MINDY4B: variants seen among roughly 807,000 people sequenced by gnomAD.
MINDY4B encodes the protein inactive ubiquitin carboxyl-terminal hydrolase MINDY-4B.
Under a neutral mutation model 16.7 loss-of-function variants are expected in MINDY4B, and 25 were observed. The observed-to-expected ratio is 1.49, with a 90% CI of 1.09 to 2.09. The LOEUF is 2.09. Among genes scored for constraint, MINDY4B ranks in the 30% most tolerant of loss-of-function variants. MINDY4B has a pLI of 0.00. For missense variants in MINDY4B, 327 were observed against 168.4 expected (o/e 1.94, Z -5.21); for synonymous variants, 132 against 61.9 (o/e 2.13, Z -5.32).
At chr3:150,902,894 T>G (rs1394749637) in intron 3 of MINDY4B, among the ~76,000 whole-genome samples, 2 of 152,090 alleles carry the variant, frequency 1.3e-5, no homozygotes, top group East Asian at 3.8e-4. Flanking sequence ...CTTACACATC[T>G]ACATTGTCTT....
At chr3:150,877,656 A>C (rs1711498900) in intron 10 of MINDY4B, among the ~76,000 whole-genome samples, 2 of 152,128 alleles carry the variant, frequency 1.3e-5, no homozygotes. Context: ...CCAGGAGGTA[A>C]AGTGGAGGCA....
intron 11 of MINDY4B, 40 bp downstream of exon 11, chr3:150,873,147 C>T (rs1350910757): frequency 1.5e-6 from 1 of 682,590 alleles, no homozygotes; most frequent in East Asian, 2.7e-5. Context: ...TCTCTTTGAG[C>T]ACATTAAAAT....
At chr3:150,891,449 C>T (rs1225811808) in intron 5 of MINDY4B, among the ~76,000 whole-genome samples, 3 of 152,002 alleles carry the variant, frequency 2.0e-5, no homozygotes, top group Admixed American at 2.0e-4. Context: ...ATCCGTCTAG[C>T]TCTGTGGTGA....
At chr3:150,892,406 G>A (rs1361610850) in intron 5 of MINDY4B, among the ~76,000 whole-genome samples, 1 of 152,128 alleles carries the variant, frequency 6.6e-6, no homozygotes, top group Non-Finnish European at 1.5e-5. Flanking sequence ...CCACATCATG[G>A]GCTCTGCTTC....
At position 150,873,381 on chromosome 3, in the gene MINDY4B, G is replaced by A. The variant is rs1484339141; in HGVS notation, c.1060-14C>T. On this transcript the variant is annotated splice_polypyrimidine_tract_variant and intron_variant, in intron 10 of 11. Coordinates refer to ENST00000465419, the MANE Select transcript of MINDY4B (RefSeq NM_001351281.2). Reference sequence around the variant, plus strand: ...CATGCTGCCCACCTGGAAAGGGGAAGGGGAATGCAGATAAATATATAGATT... The same window carrying A: ...CATGCTGCCCACCTGGAAAGGGGAAAGGGAATGCAGATAAATATATAGATT... 7.1e-6 allele frequency: 5 copies of A among 700,974 alleles called. No homozygotes were observed. Among genetic ancestry groups the A allele is most frequent in the Non-Finnish European group, 1.0e-5 (4 of 384,142 alleles). The allele number at this position is 700,974 out of a possible 1,614,324, so 43.4% of individuals were successfully genotyped here.
rs1712159564 is a variant in MINDY4B, at chr3:150,903,298, A to G, written c.260T>C (p.Ile87Thr). 5.0e-6 allele frequency: 2 copies of G among 398,416 alleles called. No individual in the cohort carries two copies. Among genetic ancestry groups the G allele is most frequent in the Admixed American group, 4.4e-5 (1 of 22,708 alleles). The allele number at this position is 398,416 out of a possible 1,614,324, so 24.7% of individuals were successfully genotyped here. The change falls in exon 3 of 12, where the codon ATC becomes ACC. Residue 87 changes from isoleucine to threonine, a missense_variant. Coordinates refer to ENST00000465419, the MANE Select transcript of MINDY4B (RefSeq NM_001351281.2). ...SGLCSIPNPS[I>T]ISSKLGGFPI... Reference sequence around the variant, plus strand: ...AAAGCCACCCAATTTTGAAGAGATGATAGAGGGGTTGGGAATAGAACAAAG... The same window carrying G: ...AAAGCCACCCAATTTTGAAGAGATGGTAGAGGGGTTGGGAATAGAACAAAG...
At chr3:150,904,691 A>T (rs1712198815) in intron 2 of MINDY4B, among the ~76,000 whole-genome samples, 1 of 152,242 alleles carries the variant, frequency 6.6e-6, no homozygotes, top group South Asian at 2.1e-4. Flanking sequence ...ATTTTTCACA[A>T]GCTGAATAAA....
At chr3:150,891,761 C>CA (rs35565267) in intron 5 of MINDY4B, among the ~76,000 whole-genome samples, 1,465 of 68,204 alleles carry the variant, frequency 0.021, 48 homozygotes, top group African/African-American at 0.042. Context: ...GACTCCATCT[C>CA]AAAAAAAAAA....
At chr3:150,890,768 G>T (rs1711779029) in intron 6 of MINDY4B, 170 bp downstream of exon 6, 2 of 548,474 alleles carry the variant, frequency 3.6e-6, no homozygotes. Flanking sequence ...AGGACTCTTT[G>T]TTGTGTCTGC....
chr3:150,892,225 G>A (rs1576613640), intron 5 of MINDY4B, among the ~76,000 whole-genome samples: 1 of 152,224 alleles, frequency 6.6e-6, no homozygotes, highest in African/African-American at 2.4e-5. Context: ...CTCATCTGAA[G>A]ATGGGGCAGG....
In MINDY4B at chr3:150,873,187, CTA is replaced by C. The variant is rs1347638856; in HGVS notation, c.1238_1239del (p.Ile413ArgfsTer52). 2 of 702,198 alleles carry C rather than the reference CTA, an allele frequency of 2.8e-6. No homozygotes were observed. Among genetic ancestry groups the C allele is most frequent in the Non-Finnish European group, 5.2e-6 (2 of 384,526 alleles). The allele number at this position is 702,198 out of a possible 1,614,324, so 43.5% of individuals were successfully genotyped here. A position where few individuals can be genotyped will look rare whatever the true frequency, so the allele number is the denominator to read the frequency against. The part of the protein sequence containing the change: ...PSQKKLVRLT[I>X]DTHSHHWERD... ...AACACCTGGAGTCTGAAATGCTCACCTATTGTAAGACGCACAAGCTTTTTCTG... is the reference window on the plus strand; with the variant it reads ...AACACCTGGAGTCTGAAATGCTCACCTTGTAAGACGCACAAGCTTTTTCTG... On this transcript the variant is annotated frameshift_variant and splice_region_variant, in exon 11 of 12. Transcript: ENST00000465419. LOFTEE classifies it low-confidence loss of function (END_TRUNC).
In MINDY4B at chr3:150,905,332, A is replaced by T; in HGVS notation, c.108T>A (p.Tyr36Ter). Residue 36 changes from tyrosine to a stop codon, truncating the protein, a stop_gained, in exon 1 of 12, where the codon TAT becomes TAA. Coordinates refer to ENST00000465419, the MANE Select transcript of MINDY4B (RefSeq NM_001351281.2). LOFTEE classifies it high-confidence loss of function. ...FLDKWREIFSYHRLGTNNSTP... is the reference protein window; with the variant it reads ...FLDKWREIFS ...AGAGAATGAGAACACCTTACCTGTG[A>T]TAACTAAAGATTTCCCTCCATTTGT... 1 of 398,572 alleles carries T rather than the reference A, an allele frequency of 2.5e-6. No individual in the cohort carries two copies. Among genetic ancestry groups the T allele is most frequent in the Non-Finnish European group, 4.4e-6 (1 of 225,992 alleles). 24.7% of individuals were successfully genotyped at this position (398,572 alleles called of 1,614,324 possible). A position where few individuals can be genotyped will look rare whatever the true frequency, so the allele number is the denominator to read the frequency against.
At chr3:150,902,598 T>G (rs1395429826) in intron 3 of MINDY4B, among the ~76,000 whole-genome samples, 1 of 152,248 alleles carries the variant, frequency 6.6e-6, no homozygotes. Context: ...CTTTGGCCTA[T>G]TTGACCCAAT....
Position 150,882,562 on chromosome 3 carries a change from G to GTGTATATATATATATATATATA in MINDY4B, c.1059+313_1059+334dup, listed in dbSNP as rs1711538463. Among the ~76,000 whole-genome samples, 5 of 93,108 alleles carry GTGTATATATATATATATATATA rather than the reference G, an allele frequency of 5.4e-5. No individual in the cohort carries two copies. In the Admixed American group the frequency reaches 5.5e-4, roughly 10 times the overall value. 61.1% of individuals were successfully genotyped at this position (93,108 alleles called of 152,430 possible). Reference sequence around the variant, plus strand: ...ACTTTTCCTTTGTGTATGTGTATGTGTGTATATATATATATATATATATAT... The same window carrying GTGTATATATATATATATATATA: ...ACTTTTCCTTTGTGTATGTGTATGTGTGTATATATATATATATATATATGTATATATATATATATATATATAT... On this transcript the variant is annotated intron_variant, in intron 10 of 11. Coordinates refer to ENST00000465419, the MANE Select transcript of MINDY4B (RefSeq NM_001351281.2).
chr3:150,878,198 A>C (rs756484644), intron 10 of MINDY4B, among the ~76,000 whole-genome samples: 2 of 152,262 alleles, frequency 1.3e-5, no homozygotes, highest in African/African-American at 4.8e-5. Context: ...TTATTAGCAC[A>C]ATGAATAAAT....
At chr3:150,885,306 T>C in intron 8 of MINDY4B, 62 bp downstream of exon 8, 1 of 690,150 alleles carries the variant, frequency 1.4e-6, no homozygotes, top group Non-Finnish European at 2.6e-6. Context: ...AATACAAGAG[T>C]ACATTGTTTA....
At position 150,903,384 on chromosome 3, in the gene MINDY4B, T is replaced by C. The variant is rs1712161195; in HGVS notation, c.174A>G (p.Glu58=). Residue 58 remains glutamate (E), a synonymous_variant, in exon 3 of 12, where the codon GAA becomes GAG. Coordinates refer to ENST00000465419, the MANE Select transcript of MINDY4B (RefSeq NM_001351281.2). ...NHEGNHTSAD[E]NEDGTGLSQP... ...GAGATAGTCCTGTTCCATCTTCATT[T>C]TCATCAGCAGATGTATGGTTGCCTT... The C allele has an allele frequency of 2.5e-6, 1 of 398,454 alleles. No individual in the cohort carries two copies. Among genetic ancestry groups the C allele is most frequent in the Admixed American group, 4.4e-5 (1 of 22,718 alleles). 24.7% of individuals were successfully genotyped at this position (398,454 alleles called of 1,614,324 possible).
rs937449035 is a variant in MINDY4B, at chr3:150,903,431, C to T, written c.142-15G>A. 1 of 398,332 alleles carries T rather than the reference C, an allele frequency of 2.5e-6. No homozygotes were observed. Among genetic ancestry groups the T allele is most frequent in the Non-Finnish European group, 4.4e-6 (1 of 225,966 alleles). The allele number at this position is 398,332 out of a possible 1,614,324, so 24.7% of individuals were successfully genotyped here. On this transcript the variant is annotated splice_polypyrimidine_tract_variant and intron_variant, in intron 2 of 11. Coordinates refer to ENST00000465419, the MANE Select transcript of MINDY4B (RefSeq NM_001351281.2). ...CCTTCATGATTCTGTGCAAATATCACCCCCACAAAAGACAAAGCAAACAGA... is the reference window on the plus strand; with the variant it reads ...CCTTCATGATTCTGTGCAAATATCATCCCCACAAAAGACAAAGCAAACAGA...
At chr3:150,886,928 G>A (rs1031502735) in intron 7 of MINDY4B, among the ~76,000 whole-genome samples, 1 of 152,128 alleles carries the variant, frequency 6.6e-6, no homozygotes, top group Non-Finnish European at 1.5e-5. Context: ...TTATCCATGG[G>A]TGATAAGTTC....
Sources: allele counts gnomAD v4.1 joint callset (sites outside exome capture counted in the v4.1 genomes callset), GRCh38; gene constraint gnomAD v4.1.1; transcripts MANE v1.5; gene names NCBI Gene and HGNC (gene_info 2026-07-23, HGNC 2026-07-21).